The following VGLL3 variants were observed in gnomAD, a reference collection of about 807,000 sequenced individuals.
VGLL3 encodes transcription cofactor vestigial-like protein 3.
In VGLL3, 18 loss-of-function variants were observed where a neutral mutation model predicts 29.2. The observed-to-expected ratio is 0.62, with a 90% CI of 0.43 to 0.91. The LOEUF (loss-of-function observed/expected upper bound fraction) is 0.91. VGLL3 is among the 40% of genes least tolerant of loss of function. The pLI is 0.00. For missense variants in VGLL3, 440 were observed against 413.2 expected, an observed-to-expected ratio of 1.06 and a Z score of -0.56; for synonymous variants, 180 against 151.8, an observed-to-expected ratio of 1.19 and a Z score of -1.36.
chr3:86,959,977 C>T (rs901159847), intron 3 of VGLL3, among the ~76,000 whole-genome samples: 21 of 152,022 alleles, frequency 1.4e-4, no homozygotes, highest in Non-Finnish European at 2.9e-4. Context: ...AGAGAAACTG[C>T]CTCTCCATTT....
At position 86,951,908 on chromosome 3, in the gene VGLL3, A is replaced by T. The variant is rs373121603; in HGVS notation, c.938-4841T>A. On this transcript the variant is annotated intron_variant, in intron 3 of 3. Transcript: ENST00000398399. ...AGGGATCACAAACACTGGGAACTGA[A>T]TTCAAATAGGCCATGTTGAGTAGGC... Among the ~76,000 whole-genome samples the T allele has an allele frequency of 1.5e-4, 23 of 152,314 alleles. No homozygotes were observed. In the South Asian group the frequency reaches 4.6e-3, roughly 30 times the overall value.
At chr3:86,955,142 C>T (rs1397709673) in intron 3 of VGLL3, among the ~76,000 whole-genome samples, 1 of 152,032 alleles carries the variant, frequency 6.6e-6, no homozygotes, top group Non-Finnish European at 1.5e-5. Flanking sequence ...GGACATAACA[C>T]CAACATAGGA....
chr3:86,956,439 T>C (rs1189231467), intron 3 of VGLL3, among the ~76,000 whole-genome samples: 3 of 152,218 alleles, frequency 2.0e-5, no homozygotes, highest in Non-Finnish European at 4.4e-5. Flanking sequence ...TGACAACTCC[T>C]TTAAGAAAAC....
intron 3 of VGLL3, among the ~76,000 whole-genome samples, chr3:86,960,214 G>C (rs1440451375): frequency 6.6e-6 from 1 of 152,076 alleles, no homozygotes; most frequent in Non-Finnish European, 1.5e-5. Context: ...TTTGTCACTT[G>C]TGAATAATGT....
rs1306935520 is a variant in VGLL3, at chr3:86,943,116, A to C, written c.*3908T>G. ...AAATAAATGAAGCCCCAAACCACAC[A>C]TAAACTTTTGGCTAAACTAGAATTT... is the stretch of plus-strand genomic sequence containing the variant. On this transcript the variant is annotated 3_prime_UTR_variant, in exon 4 of 4. Coordinates refer to ENST00000398399, the MANE Select transcript of VGLL3 (RefSeq NM_016206.4). The C allele has an allele frequency of 1.3e-5, 2 of 152,206 alleles. No homozygotes were observed. The highest frequency in any genetic ancestry group is 1.9e-4 in the East Asian group (1 of 5,202). 9.4% of individuals were successfully genotyped at this position (152,206 alleles called of 1,614,324 possible). A position where few individuals can be genotyped will look rare whatever the true frequency, so the allele number is the denominator to read the frequency against.
chr3:86,973,274 G>A (rs1343296468), intron 2 of VGLL3, among the ~76,000 whole-genome samples: 1 of 152,062 alleles, frequency 6.6e-6, no homozygotes, highest in African/African-American at 2.4e-5. Flanking sequence ...AAACACATTA[G>A]AATCAATATT....
chr3:86,972,981 AT>A (rs1167200170), intron 2 of VGLL3, among the ~76,000 whole-genome samples: 1 of 152,176 alleles, frequency 6.6e-6, no homozygotes, highest in African/African-American at 2.4e-5. Flanking sequence ...TCACTATCTG[AT>A]TTAGACTGCA....
At position 86,938,000 on chromosome 3, in the gene VGLL3, G is replaced by A. The variant is rs1704312432; in HGVS notation, c.*9024C>T. The A allele has an allele frequency of 6.6e-6, 1 of 152,120 alleles. No homozygotes were observed. The highest frequency in any genetic ancestry group is 1.5e-5 in the Non-Finnish European group (1 of 68,014). The allele number at this position is 152,120 out of a possible 1,614,324, so 9.4% of individuals were successfully genotyped here. ...GAAGCCAATTTTTTTTATTGTTGGTGTAATTTGTTTAACACAAAATGGCAC... is the reference window on the plus strand; with the variant it reads ...GAAGCCAATTTTTTTTATTGTTGGTATAATTTGTTTAACACAAAATGGCAC... On this transcript the variant is annotated 3_prime_UTR_variant, in exon 4 of 4. Transcript: ENST00000398399.
rs372258815 is a variant in VGLL3, at chr3:86,990,696, G to A, written c.48C>T (p.Ser16=). 7.0e-7 allele frequency: 1 copy of A among 1,431,996 alleles called. No individual in the cohort carries two copies. The highest frequency in any genetic ancestry group is 9.2e-7 in the Non-Finnish European group (1 of 1,092,514). 88.7% of individuals were successfully genotyped at this position (1,431,996 alleles called of 1,614,324 possible). A position where few individuals can be genotyped will look rare whatever the true frequency, so the allele number is the denominator to read the frequency against. ...CTGCCATGGGGTTGGGCAGATACTG[G>A]GACGCTCCATAAGGCTGGGGGTGAT... ...VMYHPQPYGA[S]QYLPNPMAAT... Residue 16 remains serine (S), a synonymous_variant, in exon 1 of 4, where the codon TCC becomes TCT. Coordinates refer to ENST00000398399, the MANE Select transcript of VGLL3 (RefSeq NM_016206.4).
chr3:86,965,278 C>CG (rs1272681575), intron 3 of VGLL3, among the ~76,000 whole-genome samples: 1 of 152,056 alleles, frequency 6.6e-6, no homozygotes, highest in Non-Finnish European at 1.5e-5. Flanking sequence ...TTAATGGTCC[C>CG]GGTCACCTGG....
chr3:86,949,015 G>C (rs565573821), intron 3 of VGLL3, among the ~76,000 whole-genome samples: 1 of 152,064 alleles, frequency 6.6e-6, no homozygotes, highest in African/African-American at 2.4e-5. Context: ...CTCATCCTCT[G>C]TATGACTCAG....
intron 1 of VGLL3, among the ~76,000 whole-genome samples, chr3:86,989,903 T>C (rs1705544029): frequency 6.6e-6 from 1 of 152,166 alleles, no homozygotes. Flanking sequence ...CCCCTTATTA[T>C]GGACATCTTC....
In VGLL3 at chr3:86,958,772, A is replaced by G. The variant is rs570066873; in HGVS notation, c.937+9818T>C. ...CTCCTGGCATTTTGCATGCATCTCA[A>G]AGATGGTTTCCATTACCCTTCTGGT... On this transcript the variant is annotated intron_variant, in intron 3 of 3. Transcript: ENST00000398399. 3.3e-5 allele frequency among the ~76,000 whole-genome samples: 5 copies of G among 152,162 alleles called. No individual in the cohort carries two copies. In the East Asian group the frequency reaches 9.7e-4, roughly 29 times the overall value.
At chr3:86,960,958 T>C (rs1704826296) in intron 3 of VGLL3, among the ~76,000 whole-genome samples, 1 of 123,540 alleles carries the variant, frequency 8.1e-6, no homozygotes, top group African/African-American at 2.6e-5. Flanking sequence ...TATATATATA[T>C]ATATATATGC....
chr3:86,958,721 T>G (rs745509646), intron 3 of VGLL3, among the ~76,000 whole-genome samples: 1 of 152,170 alleles, frequency 6.6e-6, no homozygotes, highest in Non-Finnish European at 1.5e-5. Flanking sequence ...CCAGTTACTT[T>G]TCATGCAGAT....
chr3:86,990,438 T>C, intron 1 of VGLL3, 180 bp downstream of exon 1: 1 of 978,068 alleles, frequency 1.0e-6, no homozygotes, highest in Non-Finnish European at 1.2e-6. Flanking sequence ...CACCCACCCG[T>C]CCACCCTGCT....
chr3:86,990,624 G>A lies in VGLL3; in HGVS notation c.120C>T (p.Gly40=). 7.4e-7 allele frequency: 1 copy of A among 1,359,270 alleles called. No homozygotes were observed. Among genetic ancestry groups the A allele is most frequent in the South Asian group, 2.3e-5 (1 of 44,244 alleles). 84.2% of individuals were successfully genotyped at this position (1,359,270 alleles called of 1,614,324 possible). Reference sequence around the variant, plus strand: ...TGCCCGTCCGGTGACTCACCTGCTGGCCAGGTTGGGGCGCCGGCTGATAGT... The same window carrying A: ...TGCCCGTCCGGTGACTCACCTGCTGACCAGGTTGGGGCGCCGGCTGATAGT... The part of the protein sequence containing the change: ...TAYYQPAPQP[G]QQKKLAVFSK... Residue 40 remains glycine, a synonymous_variant, in exon 1 of 4, where the codon GGC becomes GGT. Coordinates refer to ENST00000398399, the MANE Select transcript of VGLL3 (RefSeq NM_016206.4).
chr3:86,969,299 A>T (rs1425766399), intron 2 of VGLL3, among the ~76,000 whole-genome samples, 176 bp from the exon 3 acceptor site: 1 of 152,190 alleles, frequency 6.6e-6, no homozygotes, highest in East Asian at 1.9e-4. Flanking sequence ...CTGGGCTCGC[A>T]AGCCAATGGG....
intron 3 of VGLL3, chr3:86,962,704 AACAC>A: frequency 1.2e-6 from 1 of 801,186 alleles, no homozygotes; most frequent in Non-Finnish European, 1.5e-6. Context: ...AAGAGAATTA[AACAC>A]ACATTTACTT....
Sources: gnomAD v4.1 joint callset for allele counts (sites outside exome capture counted in the v4.1 genomes callset) on GRCh38, gnomAD v4.1.1 for gene constraint, MANE v1.5 for transcripts, NCBI Gene and HGNC (gene_info 2026-07-23, HGNC 2026-07-21) for gene names.